PKD1: variants seen among roughly 807,000 people sequenced by gnomAD.
PKD1 encodes polycystin-1.
Under a neutral mutation model 361.7 loss-of-function variants are expected in PKD1, and 81 were observed. That is an observed-to-expected ratio of 0.22 (90% CI 0.19 to 0.27). PKD1 has a LOEUF of 0.27. Among genes scored for constraint, PKD1 ranks in the 10% least tolerant of loss-of-function variants. PKD1 has a pLI of 1.00. For synonymous variants in PKD1, 3,615 were observed against 2,818.3 expected, an observed-to-expected ratio of 1.28 and a Z score of -8.95; for missense variants, 6,399 against 6,118.3, an observed-to-expected ratio of 1.05 and a Z score of -1.53.
At chr16:2,107,556 G>A (rs1251566817) in intron 16 of PKD1, 12 of 453,158 alleles carry the variant, frequency 2.6e-5, no homozygotes, top group East Asian at 1.8e-4. Context: ...GGTGAGAACC[G>A]GCCCACCACA....
In PKD1 at chr16:2,125,700, C is replaced by T. The variant is rs566949417; in HGVS notation, c.216-6322G>A. On this transcript the variant is annotated intron_variant, in intron 1 of 45. Coordinates refer to ENST00000262304, the MANE Select transcript of PKD1 (RefSeq NM_001009944.3). ...GGTGTAGGAAGGAGAGCGCTTCATA[C>T]GTATGCTACCTGCCGCTGGGGTCGG... Among the ~76,000 whole-genome samples the T allele has an allele frequency of 2.7e-3, 411 of 151,950 alleles. 3 individuals are homozygous for T. The highest frequency in any genetic ancestry group is 2.6e-3 in the Non-Finnish European group (176 of 68,000).
chr16:2,116,205 G>C, intron 8 of PKD1, 87 bp from the exon 9 acceptor site: 1 of 1,401,370 alleles, frequency 7.1e-7, no homozygotes, highest in Non-Finnish European at 9.8e-7. Context: ...CCAGGAAGAG[G>C]GGAGGGAAGG....
At chr16:2,105,290 C>T (rs769980546) in intron 21 of PKD1, 32 bp downstream of exon 21, 14 of 1,590,428 alleles carry the variant, frequency 8.8e-6, no homozygotes, top group Middle Eastern at 2.3e-4. Flanking sequence ...GGCAGGCATG[C>T]GGGGCAGGGT....
chr16:2,096,985 C>T, intron 34 of PKD1, 163 bp downstream of exon 34: 2 of 637,260 alleles, frequency 3.1e-6, no homozygotes, highest in Non-Finnish European at 5.6e-6. Context: ...TCCCATGAGG[C>T]TCTTTCCACA....
intron 39 of PKD1, 62 bp from the exon 40 acceptor site, chr16:2,092,250 C>T: frequency 6.6e-7 from 1 of 1,523,244 alleles, no homozygotes; most frequent in Non-Finnish European, 8.9e-7. Context: ...AGGAGTGTTT[C>T]CTGCTGGCCA....
Position 2,107,263 on chromosome 16 carries a change from T to A in PKD1, c.7066-315A>T, listed in dbSNP as rs187736123. The A allele has an allele frequency of 1.8e-5, 8 of 436,322 alleles. No individual in the cohort carries two copies. The Admixed American group carries it at 2.1e-4, about 11-fold the overall frequency. The allele number at this position is 436,322 out of a possible 1,614,324, so 27.0% of individuals were successfully genotyped here. A position where few individuals can be genotyped will look rare whatever the true frequency, so the allele number is the denominator to read the frequency against. ...GTGTGAGAAGAGACGTATGTGTGGG[T>A]GTGAGGACCGCAGCTGCCACGTAGG... On this transcript the variant is annotated intron_variant, in intron 16 of 45. Transcript: ENST00000262304.
rs1410050185 is a variant in PKD1, at chr16:2,091,351, C to T, written c.11712+72G>A. On this transcript the variant is annotated intron_variant, in intron 42 of 45. Transcript: ENST00000262304. ...GGCGCTGCGAGGGGTGAGACGCTGC[C>T]GGGGCGGGGCCCCGCGAGGGGGCGG... 3.2e-5 allele frequency: 22 copies of T among 694,110 alleles called. No individual in the cohort carries two copies. The Admixed American group carries it at 3.3e-4, about 11-fold the overall frequency. The allele number at this position is 694,110 out of a possible 1,614,324, so 43.0% of individuals were successfully genotyped here. A position where few individuals can be genotyped will look rare whatever the true frequency, so the allele number is the denominator to read the frequency against.
rs774867597 is a variant in PKD1, at chr16:2,109,901, C to T, written c.5266G>A (p.Glu1756Lys). 2.5e-6 allele frequency: 4 copies of T among 1,610,496 alleles called. No homozygotes were observed. The highest frequency in any genetic ancestry group is 3.4e-6 in the Non-Finnish European group (4 of 1,179,786). The change falls in exon 15 of 46, where the codon GAG becomes AAG. Residue 1756 changes from glutamate to lysine, a missense_variant. Coordinates refer to ENST00000262304, the MANE Select transcript of PKD1 (RefSeq NM_001009944.3). The stretch of plus-strand genomic sequence containing the variant: ...TCGGAGGTCTCCCAGCTCAGCCCCT[C>T]CTCCAAGGACCAAGTGTATACGACA... ...SGVVYTWSLEEGLSWETSEPF... is the reference protein window; with the variant it reads ...SGVVYTWSLEKGLSWETSEPF...
At position 2,105,913 on chromosome 16, in the gene PKD1, G is replaced by C. The variant is rs142892977; in HGVS notation, c.7815C>G (p.Pro2605=). The C allele has an allele frequency of 1.8e-5, 28 of 1,596,886 alleles. No individual in the cohort carries two copies. The African/African-American group carries it at 3.2e-4, about 18-fold the overall frequency. The change falls in exon 20 of 46, where the codon CCC becomes CCG. Residue 2605 remains proline, a synonymous_variant. Transcript: ENST00000262304. The part of the protein sequence containing the change: ...VLPGLLRQAD[P]QHVIEYSLAL... The stretch of plus-strand genomic sequence containing the variant: ...CCAACGAGTACTCGATGACGTGCTG[G>C]GGATCGGCCTGCCGCAGCAGCCCTG...
At chr16:2,096,939 T>C in intron 34 of PKD1, 2 of 597,190 alleles carry the variant, frequency 3.3e-6, no homozygotes, top group East Asian at 2.8e-5. Flanking sequence ...ATGAGCCTGC[T>C]CCCTCCCTAG....
intron 30 of PKD1, chr16:2,098,993 G>C (rs1462866793): frequency 6.0e-6 from 1 of 166,464 alleles, no homozygotes; most frequent in African/African-American, 2.5e-5. Context: ...ACCATGCCCA[G>C]CTAAGTTTTT....
Position 2,097,767 on chromosome 16 carries a change from C to G in PKD1, c.10181G>C (p.Gly3394Ala). 1 of 1,611,420 alleles carries G rather than the reference C, an allele frequency of 6.2e-7. No individual in the cohort carries two copies. The highest frequency in any genetic ancestry group is 8.5e-7 in the Non-Finnish European group (1 of 1,179,876). ...CAGAAACAAGTCACTCTTCATCTGTCCAACAAAGGCCTGCTGAGAGGTGCA... is the reference window on the plus strand; with the variant it reads ...CAGAAACAAGTCACTCTTCATCTGTGCAACAAAGGCCTGCTGAGAGGTGCA... Reference protein sequence around the residue: ...SGLHAEQAFVGQMKSDLFLDD... With the variant: ...SGLHAEQAFVAQMKSDLFLDD... Residue 3394 changes from glycine to alanine, a missense_variant, in exon 32 of 46, where the codon GGA (glycine) becomes GCA (alanine). Coordinates refer to ENST00000262304, the MANE Select transcript of PKD1 (RefSeq NM_001009944.3).
Position 2,110,369 on chromosome 16 carries a change from T to G in PKD1, c.4798A>C (p.Thr1600Pro), listed in dbSNP as rs776529978. Reference protein sequence around the residue: ...PIPGGPTISYTFRSVGTFNII... With the variant: ...PIPGGPTISYPFRSVGTFNII... ...TTGAAGGTGCCCACGGAGCGGAAGG[T>G]GTAAGAGATGGTAGGACCCCCAGGG... is the stretch of plus-strand genomic sequence containing the variant. Residue 1600 changes from threonine to proline, a missense_variant, in exon 15 of 46, where the codon ACC becomes CCC. Physicochemically the swap from Thr to Pro is conservative, Grantham distance 38. Transcript: ENST00000262304. 1.2e-6 allele frequency: 2 copies of G among 1,612,178 alleles called. No individual in the cohort carries two copies. Among genetic ancestry groups the G allele is most frequent in the African/African-American group, 2.7e-5 (2 of 74,788 alleles).
intron 34 of PKD1, 55 bp from the exon 35 acceptor site, chr16:2,094,265 C>G: frequency 8.8e-7 from 1 of 1,133,130 alleles, no homozygotes; most frequent in Non-Finnish European, 1.3e-6. Flanking sequence ...GCAGTTGCAG[C>G]CAAGCCCATG....
In PKD1 at chr16:2,100,109, G is replaced by C. The variant is rs756545580; in HGVS notation, c.9713-38C>G. On this transcript the variant is annotated intron_variant, in intron 28 of 45. Coordinates refer to ENST00000262304, the MANE Select transcript of PKD1 (RefSeq NM_001009944.3). This position sits in a 1 kb window ranked among gnomAD's most constrained non-coding sequence, Gnocchi z 4.4. The stretch of plus-strand genomic sequence containing the variant: ...GAGGGCCGCACTGCAGGAGGCCACG[G>C]GGCAGGACCACCCTGCCCAACCTCC... 3.7e-6 allele frequency: 6 copies of C among 1,604,734 alleles called. No homozygotes were observed. Among genetic ancestry groups the C allele is most frequent in the Admixed American group, 3.4e-5 (2 of 59,292 alleles).
In PKD1 at chr16:2,111,815, C is replaced by T. The variant is rs1470136890; in HGVS notation, c.3352G>A (p.Val1118Met). The T allele has an allele frequency of 6.2e-7, 1 of 1,610,150 alleles. No individual in the cohort carries two copies. Among genetic ancestry groups the T allele is most frequent in the African/African-American group, 1.3e-5 (1 of 74,964 alleles). Residue 1118 changes from valine to methionine, a missense_variant, in exon 15 of 46, where the codon GTG (valine) becomes ATG (methionine). By Grantham distance (21) the Val-to-Met change is conservative. Coordinates refer to ENST00000262304, the MANE Select transcript of PKD1 (RefSeq NM_001009944.3). ...SNAFENLTQQ[V>M]PVSVRASLPS... is the part of the protein sequence containing the mutation. ...AGGGAGGCGCGCACGCTCACAGGCA[C>T]CTGCTGCGTCAGGTTCTCGAAGGCA...
chr16:2,113,579 A>G (rs1219106826), intron 11 of PKD1, among the ~76,000 whole-genome samples: 2 of 152,196 alleles, frequency 1.3e-5, no homozygotes, highest in African/African-American at 4.8e-5. Context: ...CCTCTCTCTG[A>G]GTCTTCTCAG....
rs111688332 is a variant in PKD1 at position 2,093,883 on chromosome 16, G to A, written c.10749C>T (p.Gly3583=). Residue 3583 remains glycine (G), a synonymous_variant, in exon 36 of 46, where the codon GGC becomes GGT. Transcript: ENST00000262304. ...TGGACAGGAGCCACGCAACACTCAC[G>A]CCCGGGGGGAAGCTCGCACCCACCC... ...SGWVGASFPP[G]VSVAWLLSSS... is the part of the protein sequence containing the mutation. 253 of 1,575,560 alleles carry A rather than the reference G, an allele frequency of 1.6e-4. No homozygotes were observed. The highest frequency in any genetic ancestry group is 7.8e-4 in the African/African-American group (58 of 74,268).
chr16:2,100,742 A>T lies in PKD1; in HGVS notation c.9398-176T>A. The T allele has an allele frequency of 1.6e-6, 1 of 613,086 alleles. No individual in the cohort carries two copies. Among genetic ancestry groups the T allele is most frequent in the Non-Finnish European group, 2.9e-6 (1 of 343,020 alleles). The allele number at this position is 613,086 out of a possible 1,614,324, so 38.0% of individuals were successfully genotyped here. A position where few individuals can be genotyped will look rare whatever the true frequency, so the allele number is the denominator to read the frequency against. ...GCGGTTACTGCAATTTGTCCAATTA[A>T]CAGCAGGACCTCAAGGACATGATTA... On this transcript the variant is annotated intron_variant, in intron 26 of 45. Transcript: ENST00000262304. This position sits in a 1 kb window ranked among gnomAD's most constrained non-coding sequence, Gnocchi z 4.4.
Sources: allele counts gnomAD v4.1 joint callset (sites outside exome capture counted in the v4.1 genomes callset), GRCh38; gene constraint gnomAD v4.1.1; non-coding constraint Gnocchi (gnomAD v3.1); transcripts MANE v1.5; gene names NCBI Gene and HGNC (gene_info 2026-07-23, HGNC 2026-07-21).